Variants in LRMDA observed in about 807,000 individuals in gnomAD.
LRMDA encodes the protein leucine rich melanocyte differentiation associated, also known as leucine-rich melanocyte differentiation-associated protein.
Under a neutral mutation model 29.8 loss-of-function variants are expected in LRMDA, and 18 were observed. The observed-to-expected ratio is 0.60, with a 90% CI of 0.42 to 0.90. LRMDA has a LOEUF of 0.90. Among genes scored for constraint, LRMDA ranks in the 40% least tolerant of loss-of-function variants. The pLI, the probability that LRMDA is intolerant of heterozygous loss-of-function variation, is 0.00. For synonymous variants in LRMDA, 125 were observed against 109.4 expected, an observed-to-expected ratio of 1.14 and a Z score of -0.89; for missense variants, 273 against 273.9, an observed-to-expected ratio of 1.00 and a Z score of 0.02.
intron 5 of LRMDA, among the ~76,000 whole-genome samples, chr10:76,111,811 G>T (rs1201082153): frequency 1.2e-4 from 4 of 34,726 alleles, no homozygotes; most frequent in East Asian, 3.4e-3. Flanking sequence ...AATGGGGGTG[G>T]GGGGGGGCGC....
chr10:75,762,139 G>T (rs1278055048), intron 2 of LRMDA, among the ~76,000 whole-genome samples: 1 of 152,166 alleles, frequency 6.6e-6, no homozygotes, highest in African/African-American at 2.4e-5. Flanking sequence ...GGATCTCAAG[G>T]TTTTATCTCC....
chr10:76,159,422 T>C (rs986526464), intron 5 of LRMDA, among the ~76,000 whole-genome samples: 2 of 152,178 alleles, frequency 1.3e-5, no homozygotes, highest in Non-Finnish European at 2.9e-5. Flanking sequence ...GGACTCTCAT[T>C]CATCTCTGGA....
chr10:76,517,353 A>G (rs1221703767), intron 6 of LRMDA, among the ~76,000 whole-genome samples: 1 of 152,184 alleles, frequency 6.6e-6, no homozygotes, highest in African/African-American at 2.4e-5. Flanking sequence ...GCCAGAAGAC[A>G]AAAGTTACCT....
chr10:75,468,144 C>T (rs866866026), intron 2 of LRMDA, among the ~76,000 whole-genome samples: 1 of 152,158 alleles, frequency 6.6e-6, no homozygotes, highest in African/African-American at 2.4e-5. Flanking sequence ...TGGAACCAGG[C>T]AAAAGTATTT....
intron 5 of LRMDA, among the ~76,000 whole-genome samples, chr10:76,191,829 A>G (rs1018290366): frequency 6.6e-6 from 1 of 152,172 alleles, no homozygotes; most frequent in Non-Finnish European, 1.5e-5. Flanking sequence ...CTTCCAAGTC[A>G]CTGGAAACGA....
intron 6 of LRMDA, among the ~76,000 whole-genome samples, chr10:76,466,959 A>G (rs1842570675): frequency 6.6e-6 from 1 of 152,222 alleles, no homozygotes; most frequent in African/African-American, 2.4e-5. Flanking sequence ...TGCAGAGTAT[A>G]TTCCATCATA....
chr10:75,861,903 C>T (rs1295709899), intron 2 of LRMDA, among the ~76,000 whole-genome samples: 1 of 152,148 alleles, frequency 6.6e-6, no homozygotes, highest in Non-Finnish European at 1.5e-5. Context: ...CTCTTAGAAT[C>T]CACCTGCCAG....
chr10:75,438,602 C>T (rs1844289491), intron 2 of LRMDA, 108 bp downstream of exon 2: 1 of 809,142 alleles, frequency 1.2e-6, no homozygotes, highest in African/African-American at 1.7e-5. Flanking sequence ...CATGGGTTGT[C>T]CTTTTATTCA....
At chr10:76,059,292 G>A (rs1848666958) in intron 5 of LRMDA, among the ~76,000 whole-genome samples, 1 of 152,214 alleles carries the variant, frequency 6.6e-6, no homozygotes, top group Admixed American at 6.5e-5. Flanking sequence ...AGGCTGGCAT[G>A]TGCCCCCCAC....
At chr10:75,817,503 A>C (rs1844081942) in intron 2 of LRMDA, among the ~76,000 whole-genome samples, 1 of 152,220 alleles carries the variant, frequency 6.6e-6, no homozygotes, top group Non-Finnish European at 1.5e-5. Context: ...AAGGGGGAAA[A>C]TATGTGCTAG....
At chr10:75,828,050 T>G (rs1285012353) in intron 2 of LRMDA, among the ~76,000 whole-genome samples, 1 of 152,206 alleles carries the variant, frequency 6.6e-6, no homozygotes, top group Non-Finnish European at 1.5e-5. Flanking sequence ...GGCTTTTAAA[T>G]GTAGTCTTGG....
In LRMDA at chr10:75,543,293, G is replaced by A. The variant is rs577638991; in HGVS notation, c.131+104799G>A. Among the ~76,000 whole-genome samples, 9 of 152,306 alleles carry A rather than the reference G, an allele frequency of 5.9e-5. No homozygotes were observed. In the South Asian group the frequency reaches 1.7e-3, roughly 28 times the overall value. On this transcript the variant is annotated intron_variant, in intron 2 of 6. Transcript: ENST00000611255. The stretch of plus-strand genomic sequence containing the variant: ...CATTTTGCTTCTTCTTTAACAGGGC[G>A]CTGTTAAAATAACTCTATTCTATTA...
chr10:76,369,528 C>G lies in LRMDA; in HGVS notation c.601+45043C>G, dbSNP rs181337016. On this transcript the variant is annotated intron_variant, in intron 6 of 6. Coordinates refer to ENST00000611255, the MANE Select transcript of LRMDA (RefSeq NM_001305581.2). ...TTTATAGGTTACCTGGTGCTTCTGT[C>G]TCATAGCTCTTAAGATTCTTTCCTT... Among the ~76,000 whole-genome samples, 730 of 152,262 alleles carry G rather than the reference C, an allele frequency of 4.8e-3. 7 individuals are homozygous for G. Among genetic ancestry groups the G allele is most frequent in the African/African-American group, 0.017 (700 of 41,558 alleles).
At chr10:75,879,118 C>T (rs1845250459) in intron 2 of LRMDA, among the ~76,000 whole-genome samples, 2 of 152,216 alleles carry the variant, frequency 1.3e-5, no homozygotes, top group Non-Finnish European at 2.9e-5. Flanking sequence ...CCCCTGCCCA[C>T]CATCACAATA....
intron 6 of LRMDA, among the ~76,000 whole-genome samples, chr10:76,424,605 T>C (rs1232254810): frequency 6.6e-6 from 1 of 152,224 alleles, no homozygotes; most frequent in Admixed American, 6.5e-5. Flanking sequence ...ATTCATCAAG[T>C]GTATTTTGTT....
chr10:76,319,133 T>A (rs1252250058), intron 5 of LRMDA: 1 of 152,198 alleles, frequency 6.6e-6, no homozygotes, highest in Non-Finnish European at 1.5e-5. Flanking sequence ...ATGGTCTCGA[T>A]CTCCTGACCT....
At chr10:76,016,396 T>G (rs1020889101) in intron 2 of LRMDA, among the ~76,000 whole-genome samples, 1 of 152,230 alleles carries the variant, frequency 6.6e-6, no homozygotes, top group African/African-American at 2.4e-5. Context: ...GTGGTTTTGT[T>G]TTAGTTTTTA....
chr10:75,950,071 ATGTG>A (rs1846547399), intron 2 of LRMDA, among the ~76,000 whole-genome samples: 1 of 152,178 alleles, frequency 6.6e-6, no homozygotes, highest in South Asian at 2.1e-4. Flanking sequence ...AGACGGCAAA[ATGTG>A]TGAGGGGAAC....
chr10:75,949,914 C>A (rs1846544406), intron 2 of LRMDA, among the ~76,000 whole-genome samples: 1 of 152,178 alleles, frequency 6.6e-6, no homozygotes, highest in Non-Finnish European at 1.5e-5. Context: ...ACCAAGGCTG[C>A]CATGTGCTAG....
Sources: gnomAD v4.1 joint callset for allele counts (sites outside exome capture counted in the v4.1 genomes callset) on GRCh38, gnomAD v4.1.1 for gene constraint, MANE v1.5 for transcripts, NCBI Gene and HGNC (gene_info 2026-07-23, HGNC 2026-07-21) for gene names.